The following USP40 variants were observed in gnomAD, a reference collection of about 807,000 sequenced individuals.
USP40 encodes ubiquitin specific peptidase 40.
Under a neutral mutation model 166.2 loss-of-function variants are expected in USP40, and 143 were observed. The observed-to-expected ratio is 0.86, with a 90% CI of 0.75 to 0.99. USP40 has a LOEUF of 0.99. Among genes scored for constraint, USP40 ranks in the 50% least tolerant of loss-of-function variants. USP40 has a pLI of 0.00. For synonymous variants in USP40, 498 were observed against 524.0 expected (o/e 0.95, Z 0.68); for missense variants, 1,444 against 1,479.7 (o/e 0.98, Z 0.40).
In USP40 at chr2:233,542,527, T is replaced by C. The variant is rs148276043; in HGVS notation, c.967-164A>G. 174 of 546,666 alleles carry C rather than the reference T, an allele frequency of 3.2e-4. 2 individuals carry two copies. In the East Asian group the frequency reaches 4.8e-3, roughly 15 times the overall value. The allele number at this position is 546,666 out of a possible 1,614,324, so 33.9% of individuals were successfully genotyped here. On this transcript the variant is annotated intron_variant, in intron 8 of 31. Transcript: ENST00000678225. Reference sequence around the variant, plus strand: ...GAGTTCAAGACCAGCCTGGGCAACATAGAGAGACCAGCACACTCTACAAAA... The same window carrying C: ...GAGTTCAAGACCAGCCTGGGCAACACAGAGAGACCAGCACACTCTACAAAA...
At position 233,486,039 on chromosome 2, in the gene USP40, G is replaced by A; in HGVS notation, c.3198-62C>T. The stretch of plus-strand genomic sequence containing the variant: ...AACAAACAAAACCACGTGGTAACTT[G>A]AGGCATAATGGGCAAAGCTTCTCCT... On this transcript the variant is annotated intron_variant, in intron 28 of 31. Coordinates refer to ENST00000678225, the MANE Select transcript of USP40 (RefSeq NM_001365479.2). This position sits in a 1 kb window ranked among gnomAD's most constrained non-coding sequence, Gnocchi z 4.0. 3 of 1,494,984 alleles carry A rather than the reference G, an allele frequency of 2.0e-6. No individual in the cohort carries two copies. Among genetic ancestry groups the A allele is most frequent in the South Asian group, 2.6e-5 (2 of 77,534 alleles). The allele number at this position is 1,494,984 out of a possible 1,614,324, so 92.6% of individuals were successfully genotyped here.
chr2:233,554,245 C>G (rs1002951144), intron 6 of USP40, 135 bp downstream of exon 6: 4 of 945,180 alleles, frequency 4.2e-6, no homozygotes, highest in African/African-American at 1.7e-5. Flanking sequence ...AATTAAAATA[C>G]AGAAAATGAT....
At chr2:233,560,306 T>C (rs371103224) in intron 3 of USP40, among the ~76,000 whole-genome samples, 8 of 152,170 alleles carry the variant, frequency 5.3e-5, no homozygotes, top group South Asian at 2.1e-4. Context: ...CACAATACTG[T>C]ATCTCGCTCT....
At chr2:233,530,205 G>GACACACAC (rs71058561) in intron 11 of USP40, among the ~76,000 whole-genome samples, 22,699 of 149,214 alleles carry the variant, frequency 0.15, 1,813 homozygotes, top group South Asian at 0.32. Context: ...TCACTCCCAA[G>GACACACAC]ACACACACAC....
Position 233,519,669 on chromosome 2 carries a change from C to A in USP40, c.2328G>T (p.Met776Ile). Reference sequence around the variant, plus strand: ...TGGCTTTAATTCGAATATCAAACACCATCTAAAACAGAGAAATAAAATAAT... The same window carrying A: ...TGGCTTTAATTCGAATATCAAACACAATCTAAAACAGAGAAATAAAATAAT... The part of the protein sequence containing the change: ...QVKISATVNT[M>I]VFDIRIKAIK... The change falls in exon 18 of 32, where the codon ATG becomes ATT. Residue 776 changes from methionine to isoleucine, a missense_variant and splice_region_variant. Met to Ile is a conservative substitution (Grantham distance 10). Coordinates refer to ENST00000678225, the MANE Select transcript of USP40 (RefSeq NM_001365479.2). The A allele has an allele frequency of 2.9e-6, 4 of 1,395,546 alleles. No homozygotes were observed. The South Asian group carries it at 3.9e-5, about 14-fold the overall frequency. The allele number at this position is 1,395,546 out of a possible 1,614,324, so 86.4% of individuals were successfully genotyped here.
chr2:233,480,453 G>A lies in USP40; in HGVS notation c.3599+750C>T, dbSNP rs1317120192. 6.6e-6 allele frequency among the ~76,000 whole-genome samples: 1 copy of A among 152,210 alleles called. No homozygotes were observed. The highest frequency in any genetic ancestry group is 1.9e-4 in the East Asian group (1 of 5,184). On this transcript the variant is annotated intron_variant, in intron 31 of 31. Transcript: ENST00000678225. This position sits in a 1 kb window ranked among gnomAD's most constrained non-coding sequence, Gnocchi z 4.5. ...GGCAGGTCCTGGGACTTGTGGTGGT[G>A]GTGAGCTGAGCAGTGCGAACTGAGC...
At chr2:233,542,397 A>G in intron 8 of USP40, 34 bp from the exon 9 acceptor site, 1 of 1,301,712 alleles carries the variant, frequency 7.7e-7, no homozygotes, top group Non-Finnish European at 1.1e-6. Context: ...TTCTATCACT[A>G]ACCCCTTAAA....
intron 11 of USP40, among the ~76,000 whole-genome samples, chr2:233,531,957 G>A (rs1024289421): frequency 6.6e-6 from 1 of 152,148 alleles, no homozygotes; most frequent in Admixed American, 6.5e-5. Flanking sequence ...CGACTTCCTA[G>A]AACTAAATTG....
At chr2:233,518,004 T>A (rs540384033) in intron 18 of USP40, among the ~76,000 whole-genome samples, 1 of 148,732 alleles carries the variant, frequency 6.7e-6, no homozygotes, top group Non-Finnish European at 1.5e-5. Context: ...AAGAATGATA[T>A]AGTGGACTTT....
At position 233,493,289 on chromosome 2, in the gene USP40, T is replaced by C. The variant is rs1256777920; in HGVS notation, c.2917+136A>G. The C allele has an allele frequency of 8.1e-7, 1 of 1,241,168 alleles. No individual in the cohort carries two copies. Among genetic ancestry groups the C allele is most frequent in the African/African-American group, 1.5e-5 (1 of 66,926 alleles). The allele number at this position is 1,241,168 out of a possible 1,614,324, so 76.9% of individuals were successfully genotyped here. The stretch of plus-strand genomic sequence containing the variant: ...ATTATTATGTGATGTCTGGAATGAC[T>C]TATGAAATTAATAGGTCTTGATTTT... On this transcript the variant is annotated intron_variant, in intron 25 of 31. Transcript: ENST00000678225. The surrounding 1 kb of genome is among the most constrained non-coding windows in gnomAD (Gnocchi z 4.7).
chr2:233,548,163 GA>G (rs1261635420), intron 8 of USP40, among the ~76,000 whole-genome samples: 1 of 151,938 alleles, frequency 6.6e-6, no homozygotes, highest in African/African-American at 2.4e-5. Flanking sequence ...TTTTCAAGTG[GA>G]AAAAAATCCT....
At chr2:233,533,174 G>A (rs754183882) in intron 11 of USP40, among the ~76,000 whole-genome samples, 1 of 152,052 alleles carries the variant, frequency 6.6e-6, no homozygotes, top group Non-Finnish European at 1.5e-5. Flanking sequence ...CTGAGCATAT[G>A]GCAATCGCAC....
chr2:233,518,772 A>C (rs1458864060), intron 18 of USP40, among the ~76,000 whole-genome samples: 1 of 152,118 alleles, frequency 6.6e-6, no homozygotes, highest in Non-Finnish European at 1.5e-5. Context: ...GAGAAATGAA[A>C]ACATATCTCC....
chr2:233,559,898 C>T lies in USP40; in HGVS notation c.294G>A (p.Gln98=). The T allele has an allele frequency of 6.2e-7, 1 of 1,607,914 alleles. No homozygotes were observed. Among genetic ancestry groups the T allele is most frequent in the Non-Finnish European group, 8.5e-7 (1 of 1,177,272 alleles). ...AGAGCAGAAGCTGAGCAAACAAGCG[C>T]TGTAACTGTAAAGGGATGATTCGAA... is the stretch of plus-strand genomic sequence containing the variant. ...AKVRIIPLQL[Q]RLFAQLLLLD... The change falls in exon 4 of 32, where the codon CAG becomes CAA. Residue 98 remains glutamine, a synonymous_variant. Transcript: ENST00000678225.
Position 233,496,762 on chromosome 2 carries a change from G to A in USP40, c.2786C>T (p.Pro929Leu). The A allele has an allele frequency of 1.9e-6, 3 of 1,611,628 alleles. No individual in the cohort carries two copies. The highest frequency in any genetic ancestry group is 1.7e-6 in the Non-Finnish European group (2 of 1,178,688). ...TLLLIEGQLP[P>L]LGFLKVPIWW... ...TATTCAGAAGTAAAATCTTACCAGAGGAGGAAGTTGTCCTTCAATTAAAAG... is the reference window on the plus strand; with the variant it reads ...TATTCAGAAGTAAAATCTTACCAGAAGAGGAAGTTGTCCTTCAATTAAAAG... The change falls in exon 24 of 32, where the codon CCT becomes CTT. Residue 929 changes from proline (P) to leucine (L), a missense_variant. Coordinates refer to ENST00000678225, the MANE Select transcript of USP40 (RefSeq NM_001365479.2).
intron 6 of USP40, among the ~76,000 whole-genome samples, chr2:233,552,513 T>A (rs1252467767): frequency 6.6e-6 from 1 of 152,228 alleles, no homozygotes; most frequent in Non-Finnish European, 1.5e-5. Context: ...AAAACTGCAT[T>A]TGTTTAGCAA....
chr2:233,544,042 T>C (rs1031478637), intron 8 of USP40, among the ~76,000 whole-genome samples: 2 of 152,152 alleles, frequency 1.3e-5, no homozygotes, highest in African/African-American at 4.8e-5. Context: ...GAGGACTCAG[T>C]CCCGTAAGAC....
intron 21 of USP40, among the ~76,000 whole-genome samples, chr2:233,509,225 T>A (rs1344484755): frequency 1.3e-5 from 2 of 152,206 alleles, no homozygotes; most frequent in Non-Finnish European, 2.9e-5. Context: ...TTCAGATTTT[T>A]CTATTTCAAA....
rs72982319 is a variant in USP40 at position 233,511,715 on chromosome 2, C to T, written c.2520G>A (p.Ser840=). Reference sequence around the variant, plus strand: ...ACAGGTGACCTTATTTTACCTGAGACGAACTTGGTGCTTTTCCAAGACACA... The same window carrying T: ...ACAGGTGACCTTATTTTACCTGAGATGAACTTGGTGCTTTTCCAAGACACA... ...LGLCLGKAPS[S]SQLFLFFAMG... is the part of the protein sequence containing the mutation. Residue 840 remains serine, a synonymous_variant, in exon 20 of 32, where the codon TCG becomes TCA. Transcript: ENST00000678225. 4.5e-3 allele frequency: 7,289 copies of T among 1,609,666 alleles called. 152 individuals are homozygous for T. The East Asian group carries it at 0.061, about 13-fold the overall frequency.
Sources: gnomAD v4.1 joint callset for allele counts (sites outside exome capture counted in the v4.1 genomes callset) on GRCh38, gnomAD v4.1.1 for gene constraint, Gnocchi (gnomAD v3.1) non-coding constraint, MANE v1.5 for transcripts, NCBI Gene and HGNC (gene_info 2026-07-23, HGNC 2026-07-21) for gene names.